ZSCAN32: variants seen among roughly 807,000 people sequenced by gnomAD.
ZSCAN32 encodes zinc finger and SCAN domain containing 32.
A neutral mutation model predicts 47.4 loss-of-function variants in ZSCAN32; 52 were observed. The observed-to-expected ratio is 1.10, with a 90% CI of 0.88 to 1.38. The LOEUF (loss-of-function observed/expected upper bound fraction) is 1.38. ZSCAN32 is among the 40% of genes most tolerant of loss of function. The probability of loss-of-function intolerance (pLI) is 0.00; values close to 1 mark genes in which losing one functional copy is unlikely to be tolerated. For synonymous variants in ZSCAN32, 346 were observed against 305.7 expected (o/e 1.13, Z -1.38); for missense variants, 959 against 846.0 (o/e 1.13, Z -1.66).
chr16:3,390,896 CAAA>C (rs1221818052), intron 3 of ZSCAN32, among the ~76,000 whole-genome samples: 3 of 151,796 alleles, frequency 2.0e-5, no homozygotes, highest in Non-Finnish European at 4.4e-5. Flanking sequence ...AGTGGGCAAA[CAAA>C]AATCTCTCCA....
rs749120545 is a variant in ZSCAN32 at position 3,393,790 on chromosome 16, T to C, written c.391A>G (p.Lys131Glu). The part of the protein sequence containing the change: ...QQVLDSEKDL[K>E]VLMKEMAPLG... ...GGGGCCATCTCCTTCATGAGTACTT[T>C]CAAGTCCTTCTCAGAATCTAGAACC... Residue 131 changes from lysine (K) to glutamate (E), a missense_variant, in exon 3 of 7, where the codon AAA becomes GAA. Transcript: ENST00000396852. 1.0e-5 allele frequency: 16 copies of C among 1,549,568 alleles called. No individual in the cohort carries two copies. Among genetic ancestry groups the C allele is most frequent in the Non-Finnish European group, 1.3e-5 (15 of 1,146,422 alleles).
intron 3 of ZSCAN32, among the ~76,000 whole-genome samples, chr16:3,391,915 A>C (rs1340505593): frequency 6.6e-6 from 1 of 152,210 alleles, no homozygotes; most frequent in Non-Finnish European, 1.5e-5. Context: ...TGGGCAACAG[A>C]GCAAGACCCT....
chr16:3,384,924 C>A lies in ZSCAN32; in HGVS notation c.769G>T (p.Gly257Cys), dbSNP rs144099672. 313 of 1,612,822 alleles carry A rather than the reference C, an allele frequency of 1.9e-4. 2 individuals are homozygous for A. Among genetic ancestry groups the A allele is most frequent in the Non-Finnish European group, 2.7e-5 (32 of 1,179,754 alleles). ...HVSLATGVPW[G>C]YEETKTLLAI... ...AGGAGCGTCTTGGTCTCTTCATAGC[C>A]CCAGGGCACACCTGTTGCTGGGGGA... Residue 257 changes from glycine to cysteine, a missense_variant, in exon 6 of 7, where the codon GGC becomes TGC. Coordinates refer to ENST00000396852, the MANE Select transcript of ZSCAN32 (RefSeq NM_001284527.2).
chr16:3,387,432 G>C (rs1168779738), intron 5 of ZSCAN32, among the ~76,000 whole-genome samples: 1 of 152,186 alleles, frequency 6.6e-6, no homozygotes, highest in Admixed American at 6.5e-5. Flanking sequence ...AACACACCAA[G>C]GTAAGAATAA....
chr16:3,396,073 G>C (rs946021990), intron 2 of ZSCAN32, among the ~76,000 whole-genome samples: 3 of 152,162 alleles, frequency 2.0e-5, no homozygotes, highest in African/African-American at 7.2e-5. Context: ...CCATCAAACA[G>C]AGTGATGGAA....
intron 5 of ZSCAN32, among the ~76,000 whole-genome samples, chr16:3,387,865 G>C (rs151113335): frequency 2.8e-4 from 42 of 152,194 alleles, no homozygotes; most frequent in African/African-American, 9.4e-4. Flanking sequence ...AGTCTCTCCA[G>C]CAAAAAGAGA....
chr16:3,389,675 C>T (rs539121141), intron 5 of ZSCAN32, among the ~76,000 whole-genome samples: 67 of 152,274 alleles, frequency 4.4e-4, no homozygotes, highest in East Asian at 3.9e-4. Context: ...TGTGCATGAG[C>T]GCACATTCAG....
intron 3 of ZSCAN32, among the ~76,000 whole-genome samples, chr16:3,391,799 C>G (rs1209054934): frequency 1.3e-5 from 2 of 151,970 alleles, no homozygotes; most frequent in Non-Finnish European, 2.9e-5. Context: ...GATGTGGTGG[C>G]ACATGCCTGT....
At chr16:3,387,064 CAA>C (rs911237209) in intron 5 of ZSCAN32, among the ~76,000 whole-genome samples, 1 of 151,716 alleles carries the variant, frequency 6.6e-6, no homozygotes, top group African/African-American at 2.4e-5. Context: ...TAGTATAATA[CAA>C]AAGACATTCC....
rs1596446698 is a variant in ZSCAN32 at position 3,385,040 on chromosome 16, C to T, written c.752-99G>A. 2.8e-6 allele frequency: 4 copies of T among 1,426,890 alleles called. No homozygotes were observed. In the East Asian group the frequency reaches 6.8e-5, roughly 24 times the overall value. The allele number at this position is 1,426,890 out of a possible 1,614,324, so 88.4% of individuals were successfully genotyped here. A position where few individuals can be genotyped will look rare whatever the true frequency, so the allele number is the denominator to read the frequency against. ...TTTTGGCAGCTTAAAAAGTTACATC[C>T]TAGGCTGGATGCGGTGGCTCACACC... is the stretch of plus-strand genomic sequence containing the variant. On this transcript the variant is annotated intron_variant, in intron 5 of 6. Transcript: ENST00000396852.
At chr16:3,389,832 C>G (rs1398732002) in intron 5 of ZSCAN32, among the ~76,000 whole-genome samples, 178 bp downstream of exon 5, 1 of 152,212 alleles carries the variant, frequency 6.6e-6, no homozygotes, top group Non-Finnish European at 1.5e-5. Flanking sequence ...CATGCTGCCC[C>G]TTTCTTTTGA....
At chr16:3,399,100 G>A (rs530823406) in intron 1 of ZSCAN32, among the ~76,000 whole-genome samples, 45 of 152,284 alleles carry the variant, frequency 3.0e-4, no homozygotes, top group South Asian at 6.2e-4. Flanking sequence ...GCACGCACCT[G>A]TAGTCGCAGC....
chr16:3,390,189 G>T, intron 4 of ZSCAN32, 56 bp from the exon 5 acceptor site: 3 of 1,523,726 alleles, frequency 2.0e-6, no homozygotes, highest in Non-Finnish European at 2.7e-6. Flanking sequence ...CTAGCCTGGG[G>T]TGGGGGCAGA....
At chr16:3,393,877 T>G in intron 2 of ZSCAN32, 63 bp from the exon 3 acceptor site, 1 of 1,367,252 alleles carries the variant, frequency 7.3e-7, no homozygotes, top group Non-Finnish European at 9.7e-7. Context: ...TTACAACTCC[T>G]AAGAGTGGCA....
At position 3,397,587 on chromosome 16, in the gene ZSCAN32, G is replaced by C. The variant is rs183155243; in HGVS notation, c.-30C>G. The C allele has an allele frequency of 4.9e-4, 738 of 1,492,816 alleles. 2 individuals are homozygous for C. The African/African-American group carries it at 9.8e-3, about 20-fold the overall frequency. The allele number at this position is 1,492,816 out of a possible 1,614,324, so 92.5% of individuals were successfully genotyped here. On this transcript the variant is annotated 5_prime_UTR_variant, in exon 2 of 7. Transcript: ENST00000396852. Reference sequence around the variant, plus strand: ...TTCAACGAACTGGCTTACTCTGGTTGCCACTTCTACCCTGGAGATCAGAGT... The same window carrying C: ...TTCAACGAACTGGCTTACTCTGGTTCCCACTTCTACCCTGGAGATCAGAGT...
In ZSCAN32 at chr16:3,382,647, C is replaced by T; in HGVS notation, c.*205G>A. On this transcript the variant is annotated 3_prime_UTR_variant, in exon 7 of 7. Coordinates refer to ENST00000396852, the MANE Select transcript of ZSCAN32 (RefSeq NM_001284527.2). ...GCTTTCTCTCCATCAAACTTTAAGT[C>T]ACAGTAAGATAGGACTCTGGAGTCA... 1.7e-6 allele frequency: 1 copy of T among 582,492 alleles called. No homozygotes were observed. Among genetic ancestry groups the T allele is most frequent in the Non-Finnish European group, 2.6e-6 (1 of 378,108 alleles). 36.1% of individuals were successfully genotyped at this position (582,492 alleles called of 1,614,324 possible).
In ZSCAN32 at chr16:3,383,006, T is replaced by C; in HGVS notation, c.1940A>G (p.His647Arg). Residue 647 changes from histidine to arginine, a missense_variant, in exon 7 of 7, where the codon CAC becomes CGC. By Grantham distance (29) the His-to-Arg change is conservative (BLOSUM62 0). Coordinates refer to ENST00000396852, the MANE Select transcript of ZSCAN32 (RefSeq NM_001284527.2). ...GTGGGTTTTTCGGTGGGCACTGAAGTGGGAGCTATTGTTGAAGATTTTCCC... is the reference window on the plus strand; with the variant it reads ...GTGGGTTTTTCGGTGGGCACTGAAGCGGGAGCTATTGTTGAAGATTTTCCC... ...VCGKIFNNSS[H>R]FSAHRKTHTG... 6.2e-7 allele frequency: 1 copy of C among 1,613,978 alleles called. No homozygotes were observed. The highest frequency in any genetic ancestry group is 8.5e-7 in the Non-Finnish European group (1 of 1,179,924).
chr16:3,395,758 G>A (rs1419800328), intron 2 of ZSCAN32, among the ~76,000 whole-genome samples: 1 of 152,130 alleles, frequency 6.6e-6, no homozygotes, highest in African/African-American at 2.4e-5. Flanking sequence ...CAACACTTTG[G>A]GAGGCTGAGG....
chr16:3,382,956 A>G lies in ZSCAN32; in HGVS notation c.1990T>C (p.Ser664Pro). ...THTGEKPYRC[S>P]HCERGFTKNS... Reference sequence around the variant, plus strand: ...TTAGTGAAGCCTCTCTCACAGTGAGAACACCTGTAAGGCTTTTCACCAGTG... The same window carrying G: ...TTAGTGAAGCCTCTCTCACAGTGAGGACACCTGTAAGGCTTTTCACCAGTG... The change falls in exon 7 of 7, where the codon TCT becomes CCT. Residue 664 changes from serine (S) to proline (P), a missense_variant. Ser to Pro is a moderately conservative substitution (Grantham distance 74). Coordinates refer to ENST00000396852, the MANE Select transcript of ZSCAN32 (RefSeq NM_001284527.2). 1 of 1,613,968 alleles carries G rather than the reference A, an allele frequency of 6.2e-7. No individual in the cohort carries two copies. The highest frequency in any genetic ancestry group is 8.5e-7 in the Non-Finnish European group (1 of 1,179,936).
Sources: allele counts gnomAD v4.1 joint callset (sites outside exome capture counted in the v4.1 genomes callset), GRCh38; gene constraint gnomAD v4.1.1; transcripts MANE v1.5; gene names NCBI Gene and HGNC (gene_info 2026-07-23, HGNC 2026-07-21).